SLC71A1: variants seen among roughly 807,000 people sequenced by gnomAD.
SLC71A1 encodes solute carrier family 71 member 1, also known as hippocampus abundant gene transcript 1.
the SLC71A1 span, among the ~76,000 whole-genome samples, chr1:100,072,465 G>A: frequency 7.2e-5 from 11 of 151,994 alleles, no homozygotes; most frequent in African/African-American, 2.7e-4. Context: ...GAGCTCTAGC[G>A]GACCTCTGAG....
At chr1:100,039,500 A>C in the SLC71A1 span, among the ~76,000 whole-genome samples, 1 of 152,244 alleles carries the variant, frequency 6.6e-6, no homozygotes, top group African/African-American at 2.4e-5. Flanking sequence ...TTTTAGTTTA[A>C]CGTTTATTAT....
chr1:100,081,184 C>T, the SLC71A1 span, among the ~76,000 whole-genome samples: 2 of 152,164 alleles, frequency 1.3e-5, no homozygotes, highest in Non-Finnish European at 2.9e-5. Context: ...GTGGGCTATA[C>T]ACAAAACTGG....
the SLC71A1 span, among the ~76,000 whole-genome samples, chr1:100,047,400 C>G: frequency 6.6e-6 from 1 of 152,180 alleles, no homozygotes; most frequent in Admixed American, 6.5e-5. Context: ...ATGAATCCCA[C>G]TTGAACATGA....
At chr1:100,067,824 C>T in the SLC71A1 span, among the ~76,000 whole-genome samples, 1 of 151,704 alleles carries the variant, frequency 6.6e-6, no homozygotes, top group African/African-American at 2.4e-5. Context: ...CTCTCGCCCC[C>T]ACAAGAAAAA....
the SLC71A1 span, among the ~76,000 whole-genome samples, chr1:100,040,736 A>C: frequency 0.069 from 10,434 of 152,252 alleles, 498 homozygotes; most frequent in African/African-American, 0.14. Flanking sequence ...CAGGGATTAC[A>C]GGTGTGAGCC....
chr1:100,062,200 TG>T, the SLC71A1 span: 2 of 317,948 alleles, frequency 6.3e-6, no homozygotes, highest in South Asian at 1.6e-4. Context: ...TATTTTACCT[TG>T]TAGAGTTCTT....
the SLC71A1 span, chr1:100,078,556 G>C: frequency 6.3e-7 from 1 of 1,578,848 alleles, no homozygotes. Flanking sequence ...AGGGTGAGTT[G>C]ATAGGAACTA....
chr1:100,068,828 C>A, the SLC71A1 span, among the ~76,000 whole-genome samples: 4 of 151,998 alleles, frequency 2.6e-5, no homozygotes, highest in East Asian at 7.7e-4. Context: ...ACTAAAAATA[C>A]AACAACTAGC....
chr1:100,044,765 G>A, the SLC71A1 span, among the ~76,000 whole-genome samples: 5 of 152,022 alleles, frequency 3.3e-5, no homozygotes, highest in Admixed American at 6.5e-5. Flanking sequence ...TGATCCACCC[G>A]CCTTGGCCTC....
the SLC71A1 span, among the ~76,000 whole-genome samples, chr1:100,069,021 A>T: frequency 6.6e-6 from 1 of 152,100 alleles, no homozygotes; most frequent in Non-Finnish European, 1.5e-5. Flanking sequence ...AAAGAATATT[A>T]TTTGGTCTAC....
chr1:100,062,575 A>G, the SLC71A1 span, among the ~76,000 whole-genome samples: 1 of 152,228 alleles, frequency 6.6e-6, no homozygotes, highest in Non-Finnish European at 1.5e-5. Context: ...TAGGCACAAT[A>G]ATAGATCACT....
chr1:100,038,277 C>T, the SLC71A1 span: 50 of 1,561,118 alleles, frequency 3.2e-5, no homozygotes, highest in Non-Finnish European at 4.1e-5. Flanking sequence ...ACCGCAGTAT[C>T]ATGCTGGCCA....
chr1:100,066,957 C>G, the SLC71A1 span, among the ~76,000 whole-genome samples: 1 of 141,734 alleles, frequency 7.1e-6, no homozygotes, highest in African/African-American at 2.7e-5. Context: ...CCACTGCACT[C>G]CAGCCTGGGC....
the SLC71A1 span, among the ~76,000 whole-genome samples, chr1:100,061,144 T>G: frequency 6.6e-6 from 1 of 152,166 alleles, no homozygotes; most frequent in Non-Finnish European, 1.5e-5. Flanking sequence ...TTTTGAAAGC[T>G]CATTATGATT....
At chr1:100,076,060 A>G in the SLC71A1 span, among the ~76,000 whole-genome samples, 2 of 152,226 alleles carry the variant, frequency 1.3e-5, no homozygotes, top group African/African-American at 4.8e-5. Context: ...TTGCCGAAGA[A>G]TATAATTCTA....
chr1:100,042,300 G>A, the SLC71A1 span, among the ~76,000 whole-genome samples: 1 of 152,106 alleles, frequency 6.6e-6, no homozygotes, highest in Non-Finnish European at 1.5e-5. Flanking sequence ...TTGCATGGTC[G>A]GAAGTACCTG....
At chr1:100,065,695 GC>G in the SLC71A1 span, among the ~76,000 whole-genome samples, 4 of 81,512 alleles carry the variant, frequency 4.9e-5, no homozygotes, top group African/African-American at 3.6e-4. Context: ...TTTTCCTTAA[GC>G]CTTTTCCCTA....
chr1:100,040,706 C>G, the SLC71A1 span, among the ~76,000 whole-genome samples: 1 of 152,316 alleles, frequency 6.6e-6, no homozygotes, highest in African/African-American at 2.4e-5. Flanking sequence ...ATGATTCACC[C>G]ACCTTGGCCT....
the SLC71A1 span, chr1:100,068,493 A>G: frequency 6.2e-7 from 1 of 1,612,988 alleles, no homozygotes; most frequent in South Asian, 1.1e-5. Flanking sequence ...AAGTCGGCCA[A>G]GATTCCATAG....
Sources: allele counts gnomAD v4.1 joint callset (sites outside exome capture counted in the v4.1 genomes callset), GRCh38; gene constraint gnomAD v4.1.1; transcripts MANE v1.5; gene names NCBI Gene and HGNC (gene_info 2026-07-23, HGNC 2026-07-21).